The following CNOT6 variants were observed in gnomAD, a reference collection of about 807,000 sequenced individuals.
CNOT6 encodes the protein CCR4-NOT transcription complex subunit 6.
CNOT6 carries 12 observed loss-of-function variants against 61.2 expected under a neutral mutation model. The ratio of observed to expected loss-of-function variants is 0.20; its 90% CI spans 0.13 to 0.32. CNOT6 has a LOEUF of 0.32. CNOT6 is among the 10% of genes least tolerant of loss of function. The pLI is 1.00. For synonymous variants in CNOT6, 225 were observed against 240.6 expected (o/e 0.94, Z 0.60); for missense variants, 405 against 663.9 (o/e 0.61, Z 4.28).
At chr5:180,542,013 G>C (rs1759074567) in intron 2 of CNOT6, among the ~76,000 whole-genome samples, 1 of 152,100 alleles carries the variant, frequency 6.6e-6, no homozygotes, top group African/African-American at 2.4e-5. Flanking sequence ...GTCATGGTGA[G>C]TTCTTCCGTG....
At chr5:180,496,257 C>A (rs1006017038) in intron 1 of CNOT6, among the ~76,000 whole-genome samples, 1 of 152,050 alleles carries the variant, frequency 6.6e-6, no homozygotes, top group African/African-American at 2.4e-5. Flanking sequence ...ATAAAAATTG[C>A]TTAATATCTT....
At position 180,529,285 on chromosome 5, in the gene CNOT6, A is replaced by C; in HGVS notation, c.9A>C (p.Lys3Asn). Residue 3 changes from lysine (K) to asparagine (N), a missense_variant, in exon 2 of 12, where the codon AAA (lysine) becomes AAC (asparagine). Physicochemically the swap from Lys to Asn is moderately conservative, Grantham distance 94 (BLOSUM62 0). Coordinates refer to ENST00000261951, the MANE Select transcript of CNOT6 (RefSeq NM_001370472.1). MP[K>N]EKYEPPDPRR... is the part of the protein sequence containing the mutation. ...TTCTTTTCTTAACAGGCATGCCCAA[A>C]GAAAAATACGAGCCCCCTGACCCTC... The C allele has an allele frequency of 6.2e-7, 1 of 1,607,450 alleles. No homozygotes were observed. Among genetic ancestry groups the C allele is most frequent in the Non-Finnish European group, 8.5e-7 (1 of 1,174,348 alleles).
intron 1 of CNOT6, among the ~76,000 whole-genome samples, chr5:180,497,293 C>T (rs773145154): frequency 7.0e-6 from 1 of 142,146 alleles, no homozygotes; most frequent in African/African-American, 2.7e-5. Flanking sequence ...CGCCACTGCA[C>T]TTCACCCTGG....
chr5:180,559,052 C>G (rs973019927), intron 4 of CNOT6, among the ~76,000 whole-genome samples: 1 of 152,182 alleles, frequency 6.6e-6, no homozygotes, highest in African/African-American at 2.4e-5. Context: ...ATGGTCCATC[C>G]TGGCATATGT....
chr5:180,571,555 T>C, intron 11 of CNOT6, 123 bp downstream of exon 11: 1 of 706,274 alleles, frequency 1.4e-6, no homozygotes, highest in South Asian at 1.8e-5. Context: ...CTTGAATTCA[T>C]TGACAGCAAT....
At position 180,576,978 on chromosome 5, in the gene CNOT6, C is replaced by G. The variant is rs557937708; in HGVS notation, c.*2778C>G. 1.3e-5 allele frequency: 2 copies of G among 152,378 alleles called. No individual in the cohort carries two copies. The highest frequency in any genetic ancestry group is 4.2e-4 in the South Asian group (2 of 4,812). The allele number at this position is 152,378 out of a possible 1,614,324, so 9.4% of individuals were successfully genotyped here. ...TTAAAGACCAGAAGTTTGAAGGCAC[C>G]CAAATCCTTGTCGCCAATCTCCTGA... On this transcript the variant is annotated 3_prime_UTR_variant, in exon 12 of 12. Coordinates refer to ENST00000261951, the MANE Select transcript of CNOT6 (RefSeq NM_001370472.1).
At chr5:180,540,103 T>C (rs943363341) in intron 2 of CNOT6, among the ~76,000 whole-genome samples, 1 of 152,160 alleles carries the variant, frequency 6.6e-6, no homozygotes, top group African/African-American at 2.4e-5. Flanking sequence ...ATTCCATTTT[T>C]GGAGTTTTTT....
chr5:180,559,423 C>T (rs1298092471), intron 4 of CNOT6, among the ~76,000 whole-genome samples: 1 of 152,194 alleles, frequency 6.6e-6, no homozygotes, highest in Non-Finnish European at 1.5e-5. Flanking sequence ...AATATAACCA[C>T]TCCTGCTTTC....
At chr5:180,553,739 G>T (rs1439381715) in intron 4 of CNOT6, among the ~76,000 whole-genome samples, 1 of 151,976 alleles carries the variant, frequency 6.6e-6, no homozygotes, top group African/African-American at 2.4e-5. Context: ...ATACATCCCT[G>T]AGGCTATGCT....
At chr5:180,550,878 A>G (rs558920335) in intron 3 of CNOT6, among the ~76,000 whole-genome samples, 3 of 152,338 alleles carry the variant, frequency 2.0e-5, no homozygotes, top group African/African-American at 7.2e-5. Flanking sequence ...GGCCTGTAGC[A>G]TGAAATATAT....
rs563754148 is a variant in CNOT6, at chr5:180,559,519, A to G, written c.386-4970A>G. ...TCTGAAGTGAGTTTCTGTGGACAGT[A>G]TATAGTTGGGTCATATTTTTAAATC... On this transcript the variant is annotated intron_variant, in intron 4 of 11. Transcript: ENST00000261951. Among the ~76,000 whole-genome samples the G allele has an allele frequency of 2.6e-5, 4 of 152,312 alleles. No individual in the cohort carries two copies. In the East Asian group the frequency reaches 5.8e-4, roughly 22 times the overall value.
intron 1 of CNOT6, among the ~76,000 whole-genome samples, chr5:180,502,760 T>C (rs1188168498): frequency 6.6e-6 from 1 of 152,042 alleles, no homozygotes; most frequent in Non-Finnish European, 1.5e-5. Flanking sequence ...TCTCTCCTAA[T>C]TAAAAACCAA....
At chr5:180,556,527 T>C (rs1330360077) in intron 4 of CNOT6, among the ~76,000 whole-genome samples, 1 of 152,192 alleles carries the variant, frequency 6.6e-6, no homozygotes. Context: ...CCCATAAACA[T>C]ACACAATTAT....
At chr5:180,500,350 A>G (rs992738963) in intron 1 of CNOT6, among the ~76,000 whole-genome samples, 35 of 151,968 alleles carry the variant, frequency 2.3e-4, no homozygotes. Context: ...GGGCTCAAGC[A>G]GTCCTCCTGC....
In CNOT6 at chr5:180,565,873, C is replaced by A; in HGVS notation, c.613C>A (p.Gln205Lys). Residue 205 changes from glutamine to lysine, a missense_variant, in exon 7 of 12, where the codon CAG (glutamine) becomes AAG (lysine). Gln to Lys is a moderately conservative substitution (Grantham distance 53, BLOSUM62 1). Coordinates refer to ENST00000261951, the MANE Select transcript of CNOT6 (RefSeq NM_001370472.1). ...TCTTTGTGATAAATATGCGACCCGG[C>A]AGTTATACGGCTACTGTCCATCATG... ...NVLCDKYATR[Q>K]LYGYCPSWAL... The A allele has an allele frequency of 6.2e-7, 1 of 1,613,338 alleles. No individual in the cohort carries two copies. The highest frequency in any genetic ancestry group is 8.5e-7 in the Non-Finnish European group (1 of 1,179,434).
chr5:180,531,590 A>G (rs1261362087), intron 2 of CNOT6, among the ~76,000 whole-genome samples: 1 of 152,080 alleles, frequency 6.6e-6, no homozygotes, highest in African/African-American at 2.4e-5. Context: ...GGTGGCGGCC[A>G]GGCAGAGGCT....
At chr5:180,531,855 G>A (rs993794784) in intron 2 of CNOT6, among the ~76,000 whole-genome samples, 8 of 152,240 alleles carry the variant, frequency 5.3e-5, no homozygotes, top group Non-Finnish European at 8.8e-5. Flanking sequence ...GTGGCGGCGC[G>A]TGCCTGCAAT....
chr5:180,515,571 C>T (rs1314933255), intron 1 of CNOT6, among the ~76,000 whole-genome samples: 2 of 151,982 alleles, frequency 1.3e-5, no homozygotes, highest in East Asian at 3.9e-4. Flanking sequence ...GGAAGGTAAT[C>T]GATGGCAGTG....
At chr5:180,501,915 T>TG (rs1386470485) in intron 1 of CNOT6, among the ~76,000 whole-genome samples, 1 of 151,836 alleles carries the variant, frequency 6.6e-6, no homozygotes, top group Non-Finnish European at 1.5e-5. Flanking sequence ...ATTTGACAGG[T>TG]GGGGGAATGA....
Sources: gnomAD v4.1 joint callset for allele counts (sites outside exome capture counted in the v4.1 genomes callset) on GRCh38, gnomAD v4.1.1 for gene constraint, MANE v1.5 for transcripts, NCBI Gene and HGNC (gene_info 2026-07-23, HGNC 2026-07-21) for gene names.